PKNOX2: variants seen among roughly 807,000 people sequenced by gnomAD.
The protein encoded by PKNOX2 is homeobox protein PKNOX2.
PKNOX2 carries 14 observed loss-of-function variants against 53.1 expected under a neutral mutation model. That is an observed-to-expected ratio of 0.26 (90% confidence interval 0.17 to 0.41). PKNOX2 has a LOEUF of 0.41. Among genes scored for constraint, PKNOX2 ranks in the 10% least tolerant of loss-of-function variants. The pLI is 1.00. For missense variants in PKNOX2, 496 were observed against 602.8 expected, an observed-to-expected ratio of 0.82 and a Z score of 1.85; for synonymous variants, 257 against 242.8, an observed-to-expected ratio of 1.06 and a Z score of -0.54.
At chr11:125,323,431 T>C (rs919907227) in intron 2 of PKNOX2, among the ~76,000 whole-genome samples, 3 of 152,212 alleles carry the variant, frequency 2.0e-5, no homozygotes, top group Non-Finnish European at 4.4e-5. Context: ...TCCTTTGCTG[T>C]CCTCCAGGAG....
intron 1 of PKNOX2, among the ~76,000 whole-genome samples, chr11:125,214,631 T>C (rs1940264327): frequency 6.6e-6 from 1 of 152,104 alleles, no homozygotes; most frequent in Non-Finnish European, 1.5e-5. Flanking sequence ...GTCTGCGTCC[T>C]GCTGTCAGCA....
intron 1 of PKNOX2, among the ~76,000 whole-genome samples, chr11:125,214,792 T>C (rs4936996): frequency 0.25 from 37,878 of 151,768 alleles, 5,561 homozygotes; most frequent in East Asian, 0.44. Flanking sequence ...CTCTTCTCTC[T>C]CCTCCCCACC....
intron 5 of PKNOX2, among the ~76,000 whole-genome samples, chr11:125,384,257 C>T (rs183349584): frequency 5.3e-5 from 8 of 152,212 alleles, no homozygotes; most frequent in African/African-American, 1.7e-4. Context: ...TTCCTTCCCT[C>T]ATGTAGCTCA....
At chr11:125,393,510 A>G (rs987607009) in intron 6 of PKNOX2, among the ~76,000 whole-genome samples, 7 of 152,178 alleles carry the variant, frequency 4.6e-5, no homozygotes, top group Admixed American at 3.3e-4. Flanking sequence ...TGGACTGTGC[A>G]GCCACCTAGA....
chr11:125,197,092 T>G (rs1937795205), intron 1 of PKNOX2, among the ~76,000 whole-genome samples: 1 of 152,252 alleles, frequency 6.6e-6, no homozygotes, highest in Non-Finnish European at 1.5e-5. Flanking sequence ...CAGAGAGTGC[T>G]GCTGCTGTTG....
chr11:125,234,591 G>T (rs1397630636), intron 1 of PKNOX2, among the ~76,000 whole-genome samples: 1 of 152,186 alleles, frequency 6.6e-6, no homozygotes, highest in African/African-American at 2.4e-5. Flanking sequence ...GTTGTCGTTT[G>T]CTTGCCTTTT....
intron 1 of PKNOX2, among the ~76,000 whole-genome samples, chr11:125,189,465 A>G (rs1427494123): frequency 1.2e-4 from 14 of 114,440 alleles, no homozygotes; most frequent in African/African-American, 2.4e-4. Flanking sequence ...ATATATATAT[A>G]TATATATATA....
At chr11:125,272,855 G>T (rs1010235333) in intron 2 of PKNOX2, among the ~76,000 whole-genome samples, 2 of 152,136 alleles carry the variant, frequency 1.3e-5, no homozygotes, top group Non-Finnish European at 2.9e-5. Context: ...TGACTTCTCC[G>T]CCTGCCTCAC....
At chr11:125,253,527 G>A (rs1419696041) in intron 2 of PKNOX2, among the ~76,000 whole-genome samples, 1 of 152,096 alleles carries the variant, frequency 6.6e-6, no homozygotes, top group Non-Finnish European at 1.5e-5. Flanking sequence ...AAATGCCACC[G>A]ATGGTCCCAG....
At chr11:125,378,651 G>A (rs897030837) in intron 5 of PKNOX2, among the ~76,000 whole-genome samples, 5 of 152,220 alleles carry the variant, frequency 3.3e-5, no homozygotes, top group Non-Finnish European at 5.9e-5. Flanking sequence ...ACACTTGGCT[G>A]GACCCATAAT....
intron 1 of PKNOX2, among the ~76,000 whole-genome samples, chr11:125,186,905 G>T (rs1221767172): frequency 6.6e-6 from 1 of 152,162 alleles, no homozygotes; most frequent in African/African-American, 2.4e-5. Context: ...GTGAGGTAGG[G>T]CTCCAACTTT....
chr11:125,323,690 G>A (rs1447862905), intron 2 of PKNOX2, among the ~76,000 whole-genome samples: 2 of 152,182 alleles, frequency 1.3e-5, no homozygotes, highest in African/African-American at 4.8e-5. Flanking sequence ...CTCCTGGAAG[G>A]CATGGAAGGA....
chr11:125,335,579 GC>G lies in PKNOX2; in HGVS notation c.-23+3655del, dbSNP rs1284324651. Among the ~76,000 whole-genome samples, 3 of 152,188 alleles carry G rather than the reference GC, an allele frequency of 2.0e-5. No homozygotes were observed. In the East Asian group the frequency reaches 5.8e-4, roughly 29 times the overall value. ...TCATCCAGGCCAGTCTTTGGACTGA[GC>G]ACTTATAGTCAAGAACTTAGAGTTG... On this transcript the variant is annotated intron_variant, in intron 3 of 12. Coordinates refer to ENST00000298282, the MANE Select transcript of PKNOX2 (RefSeq NM_001382323.2).
chr11:125,333,549 TACACACAC>T (rs57352759), intron 3 of PKNOX2, among the ~76,000 whole-genome samples: 3 of 142,248 alleles, frequency 2.1e-5, no homozygotes, highest in East Asian at 4.2e-4. Flanking sequence ...CACACACACA[TACACACAC>T]ACACACACAC....
At chr11:125,344,669 G>A (rs1312248093) in intron 3 of PKNOX2, among the ~76,000 whole-genome samples, 1 of 152,182 alleles carries the variant, frequency 6.6e-6, no homozygotes, top group East Asian at 1.9e-4. Flanking sequence ...AGTATGGAGA[G>A]CTATGGGTGG....
At chr11:125,418,551 T>C (rs1257847609) in intron 10 of PKNOX2, among the ~76,000 whole-genome samples, 1 of 151,896 alleles carries the variant, frequency 6.6e-6, no homozygotes, top group Non-Finnish European at 1.5e-5. Flanking sequence ...GAACAGCGGG[T>C]GCACTGCACA....
rs118181239 is a variant in PKNOX2 at position 125,267,273 on chromosome 11, C to T, written c.-130+32158C>T. 2.3e-3 allele frequency among the ~76,000 whole-genome samples: 347 copies of T among 152,246 alleles called. 1 individual carries two copies. Among genetic ancestry groups the T allele is most frequent in the South Asian group, 9.3e-3 (45 of 4,822 alleles). On this transcript the variant is annotated intron_variant, in intron 2 of 12. Coordinates refer to ENST00000298282, the MANE Select transcript of PKNOX2 (RefSeq NM_001382323.2). ...TGTGCTCATGTGTGTGTTCCCGTAC[C>T]CACGTGGATCTAAGTCCTGTCCCGG...
At chr11:125,177,928 C>A (rs146396345) in intron 1 of PKNOX2, among the ~76,000 whole-genome samples, 17 of 152,220 alleles carry the variant, frequency 1.1e-4, no homozygotes, top group African/African-American at 3.9e-4. Context: ...AGCAGAGAAT[C>A]TTTGTAATAG....
intron 2 of PKNOX2, among the ~76,000 whole-genome samples, chr11:125,243,666 A>T (rs1943339256): frequency 6.9e-6 from 1 of 145,268 alleles, no homozygotes; most frequent in Non-Finnish European, 1.5e-5. Flanking sequence ...TCTGTCGCCC[A>T]GGCTGGAGTG....
Sources: gnomAD v4.1 joint callset for allele counts (sites outside exome capture counted in the v4.1 genomes callset) on GRCh38, gnomAD v4.1.1 for gene constraint, MANE v1.5 for transcripts, NCBI Gene and HGNC (gene_info 2026-07-23, HGNC 2026-07-21) for gene names.